The following SPOCK1 variants were observed in gnomAD, a reference collection of about 807,000 sequenced individuals.
The protein encoded by SPOCK1 is SPARC (osteonectin), cwcv and kazal like domains proteoglycan 1, also known as testican-1.
SPOCK1 carries 23 observed loss-of-function variants against 55.3 expected under a neutral mutation model. That is an observed-to-expected ratio of 0.42 (90% confidence interval 0.30 to 0.59). The LOEUF is 0.59. SPOCK1 is among the 20% of genes least tolerant of loss of function. SPOCK1 has a pLI of 0.22. For missense variants in SPOCK1, 499 were observed against 552.5 expected (o/e 0.90, Z 0.97); for synonymous variants, 226 against 221.0 (o/e 1.02, Z -0.20).
chr5:137,321,633 T>C (rs1171119840), intron 2 of SPOCK1, among the ~76,000 whole-genome samples: 8 of 152,060 alleles, frequency 5.3e-5, no homozygotes, highest in Admixed American at 6.5e-5. Context: ...CCCAGCACTT[T>C]GGGAGGCCGA....
chr5:137,357,994 A>G (rs1750855363), intron 2 of SPOCK1, among the ~76,000 whole-genome samples: 1 of 152,154 alleles, frequency 6.6e-6, no homozygotes, highest in Admixed American at 6.5e-5. Context: ...AGAAAAAAAA[A>G]GACCAGAAAT....
At chr5:137,013,124 T>C (rs1751384963) in intron 6 of SPOCK1, among the ~76,000 whole-genome samples, 1 of 152,218 alleles carries the variant, frequency 6.6e-6, no homozygotes, top group Non-Finnish European at 1.5e-5. Context: ...GTCTCTGACA[T>C]GAGAAGAGCA....
chr5:137,361,938 AT>A (rs1330459865), intron 2 of SPOCK1, among the ~76,000 whole-genome samples: 1 of 152,242 alleles, frequency 6.6e-6, no homozygotes, highest in Admixed American at 6.5e-5. Flanking sequence ...CTCAAACACA[AT>A]GATTTTACAG....
chr5:137,005,461 G>A (rs1751229692), intron 6 of SPOCK1, among the ~76,000 whole-genome samples: 1 of 151,992 alleles, frequency 6.6e-6, no homozygotes, highest in South Asian at 2.1e-4. Context: ...AGATGGAAAA[G>A]ACGAACATGT....
intron 2 of SPOCK1, among the ~76,000 whole-genome samples, chr5:137,270,927 G>A (rs940108801): frequency 3.3e-5 from 5 of 152,042 alleles, no homozygotes; most frequent in South Asian, 2.1e-4. Flanking sequence ...GCCTGAACCC[G>A]GGAAGCAGAG....
At chr5:137,206,403 C>T (rs989659036) in intron 3 of SPOCK1, among the ~76,000 whole-genome samples, 2 of 152,202 alleles carry the variant, frequency 1.3e-5, no homozygotes, top group Non-Finnish European at 2.9e-5. Flanking sequence ...AGGAGCCTGC[C>T]AAACACGGAA....
At chr5:137,011,881 A>G (rs1751357275) in intron 6 of SPOCK1, among the ~76,000 whole-genome samples, 2 of 152,314 alleles carry the variant, frequency 1.3e-5, no homozygotes, top group South Asian at 4.1e-4. Flanking sequence ...GCAAGGGTCC[A>G]AGTGGCACCA....
intron 3 of SPOCK1, among the ~76,000 whole-genome samples, chr5:137,205,484 A>G (rs1755502242): frequency 6.6e-6 from 1 of 152,208 alleles, no homozygotes; most frequent in African/African-American, 2.4e-5. Flanking sequence ...CTATGACTCC[A>G]TGAGATGAAA....
At chr5:137,012,150 A>C (rs1751362929) in intron 6 of SPOCK1, among the ~76,000 whole-genome samples, 1 of 152,152 alleles carries the variant, frequency 6.6e-6, no homozygotes, top group Admixed American at 6.5e-5. Flanking sequence ...ACGTTCTGTG[A>C]GGCGAGGATT....
At chr5:137,115,831 T>C (rs1416503772) in intron 4 of SPOCK1, among the ~76,000 whole-genome samples, 1 of 152,226 alleles carries the variant, frequency 6.6e-6, no homozygotes, top group African/African-American at 2.4e-5. Context: ...CTTCCCTGGC[T>C]ATTGTATATT....
chr5:137,441,988 C>T (rs1295586123), intron 2 of SPOCK1, among the ~76,000 whole-genome samples: 4 of 152,172 alleles, frequency 2.6e-5, no homozygotes, highest in Non-Finnish European at 5.9e-5. Flanking sequence ...GATAGCATCA[C>T]AATTTCTTGA....
intron 2 of SPOCK1, among the ~76,000 whole-genome samples, chr5:137,409,154 C>T (rs1417992180): frequency 6.6e-6 from 1 of 152,168 alleles, no homozygotes; most frequent in Non-Finnish European, 1.5e-5. Flanking sequence ...CCAGGAAGCA[C>T]AAGATATGGT....
intron 9 of SPOCK1, 22 bp downstream of exon 9, chr5:136,985,118 A>T: frequency 1.9e-6 from 3 of 1,611,992 alleles, no homozygotes; most frequent in Non-Finnish European, 2.5e-6. Context: ...TGTTTAAATG[A>T]GTGGCAAGAA....
chr5:137,363,965 G>A (rs1274355800), intron 2 of SPOCK1, among the ~76,000 whole-genome samples: 2 of 152,148 alleles, frequency 1.3e-5, no homozygotes, highest in African/African-American at 4.8e-5. Flanking sequence ...GAGCAGTGAG[G>A]TTCAGGTGCA....
At chr5:137,326,730 G>A (rs902707244) in intron 2 of SPOCK1, among the ~76,000 whole-genome samples, 5 of 152,160 alleles carry the variant, frequency 3.3e-5, no homozygotes, top group African/African-American at 1.2e-4. Flanking sequence ...TCTCAAATAA[G>A]GTGGGAATAT....
At chr5:137,483,068 C>T (rs1257552185) in intron 2 of SPOCK1, among the ~76,000 whole-genome samples, 2 of 152,236 alleles carry the variant, frequency 1.3e-5, no homozygotes, top group Admixed American at 6.5e-5. Flanking sequence ...CATGGTGGCT[C>T]ACGCCTGTAA....
At chr5:137,147,766 C>T (rs974383888) in intron 3 of SPOCK1, among the ~76,000 whole-genome samples, 2 of 152,166 alleles carry the variant, frequency 1.3e-5, no homozygotes, top group African/African-American at 4.8e-5. Flanking sequence ...AACATTCAAT[C>T]CAGAACACCA....
intron 3 of SPOCK1, among the ~76,000 whole-genome samples, chr5:137,178,429 A>G (rs1437025715): frequency 1.3e-5 from 2 of 152,218 alleles, no homozygotes; most frequent in African/African-American, 4.8e-5. Context: ...TCTGGTAGGC[A>G]CCGGGCATGC....
At chr5:137,409,602 C>A (rs540487291) in intron 2 of SPOCK1, among the ~76,000 whole-genome samples, 15 of 152,312 alleles carry the variant, frequency 9.8e-5, no homozygotes, top group African/African-American at 3.6e-4. Flanking sequence ...GCCTTAGCAG[C>A]ATTTTAACAC....
Sources: gnomAD v4.1 joint callset for allele counts (sites outside exome capture counted in the v4.1 genomes callset) on GRCh38, gnomAD v4.1.1 for gene constraint, MANE v1.5 for transcripts, NCBI Gene and HGNC (gene_info 2026-07-23, HGNC 2026-07-21) for gene names.